Variants in RABGAP1L observed in about 807,000 individuals in gnomAD.
RABGAP1L encodes the protein rab GTPase-activating protein 1-like.
RABGAP1L carries 63 observed loss-of-function variants against 137.7 expected under a neutral mutation model. The ratio of observed to expected loss-of-function variants is 0.46; its 90% CI spans 0.37 to 0.56. The LOEUF (loss-of-function observed/expected upper bound fraction) is 0.56, where lower values mean the gene tolerates loss of function less well. RABGAP1L is among the 20% of genes least tolerant of loss of function. The pLI is 0.00. For missense variants in RABGAP1L, 1,095 were observed against 1,244.0 expected, an observed-to-expected ratio of 0.88 and a Z score of 1.80; for synonymous variants, 431 against 433.7, an observed-to-expected ratio of 0.99 and a Z score of 0.08.
intron 18 of RABGAP1L, among the ~76,000 whole-genome samples, chr1:174,802,542 G>C (rs1395908197): frequency 6.6e-6 from 1 of 152,232 alleles, no homozygotes; most frequent in East Asian, 1.9e-4. Flanking sequence ...GGGAGGCAGA[G>C]ATTGCGGTGA....
chr1:174,627,631 G>T (rs1673020169), intron 13 of RABGAP1L, among the ~76,000 whole-genome samples: 1 of 152,196 alleles, frequency 6.6e-6, no homozygotes, highest in African/African-American at 2.4e-5. Context: ...TTATCCAGTA[G>T]AGATCAATGT....
At chr1:174,522,813 A>G (rs1479870029) in intron 13 of RABGAP1L, among the ~76,000 whole-genome samples, 1 of 152,158 alleles carries the variant, frequency 6.6e-6, no homozygotes, top group Non-Finnish European at 1.5e-5. Flanking sequence ...ATACATTTTT[A>G]AAGGATCAGA....
At chr1:174,346,461 C>A (rs1682437752) in intron 11 of RABGAP1L, among the ~76,000 whole-genome samples, 3 of 152,090 alleles carry the variant, frequency 2.0e-5, no homozygotes, top group South Asian at 4.1e-4. Flanking sequence ...CTTCATGGTT[C>A]TATCTTGGTA....
intron 3 of RABGAP1L, among the ~76,000 whole-genome samples, chr1:174,229,977 T>C (rs1670498726): frequency 3.3e-5 from 5 of 152,176 alleles, no homozygotes; most frequent in Admixed American, 3.3e-4. Context: ...TGTGAGATGG[T>C]ATCTCATTGT....
chr1:174,534,802 A>G (rs6425285), intron 13 of RABGAP1L, among the ~76,000 whole-genome samples: 46,517 of 137,228 alleles, frequency 0.34, 10,683 homozygotes, highest in African/African-American at 0.64. Flanking sequence ...AAAAAAAAAA[A>G]AATAATTAGA....
chr1:174,267,074 A>T (rs1410664708), intron 7 of RABGAP1L, among the ~76,000 whole-genome samples: 1 of 152,196 alleles, frequency 6.6e-6, no homozygotes, highest in African/African-American at 2.4e-5. Flanking sequence ...TGGAGCATAT[A>T]CTTCTGCTTT....
chr1:174,413,725 T>C (rs1650209508), intron 13 of RABGAP1L, among the ~76,000 whole-genome samples: 2 of 152,328 alleles, frequency 1.3e-5, no homozygotes, highest in African/African-American at 4.8e-5. Flanking sequence ...TCTTTTGGCT[T>C]TGCTTCTATA....
At chr1:174,543,593 C>T (rs1240160221) in intron 13 of RABGAP1L, among the ~76,000 whole-genome samples, 1 of 152,160 alleles carries the variant, frequency 6.6e-6, no homozygotes, top group Non-Finnish European at 1.5e-5. Flanking sequence ...AGCCCATTTA[C>T]ATTTATAGTT....
At chr1:174,713,508 C>A (rs1680752401) in intron 17 of RABGAP1L, among the ~76,000 whole-genome samples, 1 of 152,116 alleles carries the variant, frequency 6.6e-6, no homozygotes, top group Non-Finnish European at 1.5e-5. Context: ...AGTTCTTATT[C>A]TGAGTTCATG....
chr1:174,687,668 T>C (rs1162020385), intron 15 of RABGAP1L, among the ~76,000 whole-genome samples: 1 of 152,200 alleles, frequency 6.6e-6, no homozygotes, highest in Non-Finnish European at 1.5e-5. Flanking sequence ...GGAGATACAT[T>C]ATTAGGGTCT....
intron 11 of RABGAP1L, among the ~76,000 whole-genome samples, chr1:174,329,068 T>C (rs116271881): frequency 0.017 from 2,476 of 149,286 alleles, 61 homozygotes; most frequent in African/African-American, 0.058. Context: ...AACAAAAGTT[T>C]ATTTTTGAAA....
At chr1:174,195,693 TTTCC>T (rs1160033028) in intron 1 of RABGAP1L, among the ~76,000 whole-genome samples, 3,697 of 121,100 alleles carry the variant, frequency 0.031, 111 homozygotes, top group Non-Finnish European at 0.037. Context: ...TCTTTCCTTC[TTTCC>T]TTCTTTCCTT....
chr1:174,321,504 C>T (rs889403373), intron 11 of RABGAP1L, among the ~76,000 whole-genome samples: 4 of 152,138 alleles, frequency 2.6e-5, no homozygotes, highest in Non-Finnish European at 5.9e-5. Flanking sequence ...AAATATCTCT[C>T]TTTTGTACTC....
chr1:174,714,416 T>A (rs1264583669), intron 17 of RABGAP1L, among the ~76,000 whole-genome samples: 2 of 152,196 alleles, frequency 1.3e-5, no homozygotes, highest in Non-Finnish European at 2.9e-5. Context: ...TATGTCTTTT[T>A]TGTGTGCAGC....
At chr1:174,547,912 A>T in intron 13 of RABGAP1L, 1 of 1,550,348 alleles carries the variant, frequency 6.5e-7, no homozygotes, top group Non-Finnish European at 8.7e-7. Flanking sequence ...GAAGGTCTCC[A>T]TGACACCCTG....
chr1:174,970,733 A>T (rs1433760297), intron 21 of RABGAP1L, among the ~76,000 whole-genome samples: 2 of 147,564 alleles, frequency 1.4e-5, no homozygotes, highest in African/African-American at 2.5e-5. Flanking sequence ...AAGCTATCCT[A>T]AAAAAAAAAG....
rs1672158340 is a variant in RABGAP1L at position 174,992,959 on chromosome 1, T to C, written c.*2958T>C. ...ACAAAACATTCCTCTGAAAATCTAATATTTGCAGTATCTAAGAATTGATCA... is the reference window on the plus strand; with the variant it reads ...ACAAAACATTCCTCTGAAAATCTAACATTTGCAGTATCTAAGAATTGATCA... On this transcript the variant is annotated 3_prime_UTR_variant, in exon 26 of 26. Coordinates refer to ENST00000681986, the MANE Select transcript of RABGAP1L (RefSeq NM_001366446.1). 6.6e-6 allele frequency: 1 copy of C among 152,252 alleles called. No homozygotes were observed. The highest frequency in any genetic ancestry group is 2.1e-4 in the South Asian group (1 of 4,836). The allele number at this position is 152,252 out of a possible 1,614,324, so 9.4% of individuals were successfully genotyped here.
chr1:174,194,370 G>T (rs773839609), intron 1 of RABGAP1L, among the ~76,000 whole-genome samples: 8 of 151,920 alleles, frequency 5.3e-5, no homozygotes, highest in Admixed American at 1.3e-4. Flanking sequence ...AAGTAGCTGG[G>T]ATTACAGGTG....
Position 174,234,404 on chromosome 1 carries a change from A to G in RABGAP1L, c.542+3049A>G, listed in dbSNP as rs1439013449. Reference sequence around the variant, plus strand: ...CTAGGGTTTTTATGGTTTTAGGTCTAACGTTTAAATCTTTAATCCATCTTG... The same window carrying G: ...CTAGGGTTTTTATGGTTTTAGGTCTGACGTTTAAATCTTTAATCCATCTTG... On this transcript the variant is annotated intron_variant, in intron 4 of 25. Transcript: ENST00000681986. Among the ~76,000 whole-genome samples the G allele has an allele frequency of 1.2e-4, 17 of 138,016 alleles. 1 individual carries two copies. Among genetic ancestry groups the G allele is most frequent in the African/African-American group, 5.5e-4 (17 of 31,172 alleles). The allele number at this position is 138,016 out of a possible 152,430, so 90.5% of individuals were successfully genotyped here.
Sources: gnomAD v4.1 joint callset for allele counts (sites outside exome capture counted in the v4.1 genomes callset) on GRCh38, gnomAD v4.1.1 for gene constraint, MANE v1.5 for transcripts, NCBI Gene and HGNC (gene_info 2026-07-23, HGNC 2026-07-21) for gene names.